The following CHMP1A variants were observed in gnomAD, a reference collection of about 807,000 sequenced individuals.
CHMP1A encodes VPS46 homolog A.
In CHMP1A, 17 loss-of-function variants were observed where a neutral mutation model predicts 27.0. That is an observed-to-expected ratio of 0.63 (90% confidence interval 0.43 to 0.95). The LOEUF (loss-of-function observed/expected upper bound fraction) is 0.95. Ranked by LOEUF, CHMP1A falls within the 40% of genes least tolerant of loss-of-function variation. CHMP1A has a pLI of 0.00. For missense variants in CHMP1A, 275 were observed against 264.0 expected (o/e 1.04, Z -0.29); for synonymous variants, 131 against 107.5 (o/e 1.22, Z -1.35).
intron 6 of CHMP1A, 42 bp downstream of exon 6, chr16:89,646,485 A>T (rs1295721939): frequency 1.3e-6 from 2 of 1,510,690 alleles, no homozygotes; most frequent in Non-Finnish European, 1.8e-6. Flanking sequence ...ACAGCACCAG[A>T]GCGTGGGGTT....
Position 89,647,057 on chromosome 16 carries a change from C to T in CHMP1A, c.381+146G>A, listed in dbSNP as rs2059780147. 2.0e-6 allele frequency: 3 copies of T among 1,532,270 alleles called. No individual in the cohort carries two copies. The East Asian group carries it at 7.4e-5, about 38-fold the overall frequency. 94.9% of individuals were successfully genotyped at this position (1,532,270 alleles called of 1,614,324 possible). A position where few individuals can be genotyped will look rare whatever the true frequency, so the allele number is the denominator to read the frequency against. On this transcript the variant is annotated intron_variant, in intron 5 of 6. Coordinates refer to ENST00000397901, the MANE Select transcript of CHMP1A (RefSeq NM_002768.5). ...TACCTGTCAGGGTCCTGGCAGGGACCCAGCACAGAGGATGCTTGGTGACGT... is the reference window on the plus strand; with the variant it reads ...TACCTGTCAGGGTCCTGGCAGGGACTCAGCACAGAGGATGCTTGGTGACGT...
intron 5 of CHMP1A, 25 bp downstream of exon 5, chr16:89,647,178 A>G (rs1291150417): frequency 3.7e-6 from 6 of 1,605,480 alleles, no homozygotes; most frequent in Non-Finnish European, 5.1e-6. Context: ...CCCAGGCCAC[A>G]GCCCCAAGGG....
intron 1 of CHMP1A, among the ~76,000 whole-genome samples, chr16:89,655,147 G>C (rs2059854587): frequency 6.6e-6 from 1 of 151,998 alleles, no homozygotes; most frequent in Non-Finnish European, 1.5e-5. Context: ...GATCTCCCGG[G>C]GTTCCAGAAA....
chr16:89,655,250 C>T (rs2059855189), intron 1 of CHMP1A, among the ~76,000 whole-genome samples: 1 of 152,210 alleles, frequency 6.6e-6, no homozygotes, highest in Non-Finnish European at 1.5e-5. Flanking sequence ...GTGGTCACGG[C>T]CAAGGTTATC....
intron 1 of CHMP1A, among the ~76,000 whole-genome samples, chr16:89,656,987 C>A (rs1314963743): frequency 6.8e-6 from 1 of 146,524 alleles, no homozygotes; most frequent in Non-Finnish European, 1.5e-5. Flanking sequence ...GAGGTCGAGG[C>A]CCCGGGGAAG....
At chr16:89,655,435 CTCCTCACCTCAGCTT>C (rs2059857588) in intron 1 of CHMP1A, among the ~76,000 whole-genome samples, 2 of 28,052 alleles carry the variant, frequency 7.1e-5, no homozygotes, top group African/African-American at 1.3e-4. Flanking sequence ...CACCTCAGCT[CTCCTCACCTCAGCTT>C]TCCTCACCTC....
In CHMP1A at chr16:89,653,020, C is replaced by T. The variant is rs1041437978; in HGVS notation, c.27+884G>A. On this transcript the variant is annotated intron_variant, in intron 2 of 6. Coordinates refer to ENST00000397901, the MANE Select transcript of CHMP1A (RefSeq NM_002768.5). Reference sequence around the variant, plus strand: ...AAGTTGTCTTTTTTTTTTTTCTTTTCTTTTTTTTTTTTTTTTTTTGAGACG... The same window carrying T: ...AAGTTGTCTTTTTTTTTTTTCTTTTTTTTTTTTTTTTTTTTTTTTGAGACG... Among the ~76,000 whole-genome samples, 147 of 82,186 alleles carry T rather than the reference C, an allele frequency of 1.8e-3. No individual in the cohort carries two copies. The Middle Eastern group carries it at 0.029, about 16-fold the overall frequency. The allele number at this position is 82,186 out of a possible 152,430, so 53.9% of individuals were successfully genotyped here. A position where few individuals can be genotyped will look rare whatever the true frequency, so the allele number is the denominator to read the frequency against.
chr16:89,654,200 C>T (rs984884851), intron 1 of CHMP1A, among the ~76,000 whole-genome samples: 20 of 152,196 alleles, frequency 1.3e-4, no homozygotes, highest in Non-Finnish European at 2.4e-4. Context: ...CAGCCAATCT[C>T]AAAGGGTTAG....
Position 89,647,889 on chromosome 16 carries a change from C to G in CHMP1A, c.253-558G>C, listed in dbSNP as rs140165929. Among the ~76,000 whole-genome samples the G allele has an allele frequency of 0.058, 414 of 7,092 alleles. 161 individuals carry two copies. In the East Asian group the frequency reaches 0.7, roughly 12 times the overall value. The allele number at this position is 7,092 out of a possible 152,430, so 4.7% of individuals were successfully genotyped here. On this transcript the variant is annotated intron_variant, in intron 4 of 6. Transcript: ENST00000397901. ...AGCGCGGGGTCCGTGGAGAAAAGGC[C>G]GCCGACGTGGACACCCAGCGCGGGG...
intron 1 of CHMP1A, among the ~76,000 whole-genome samples, chr16:89,654,468 G>A (rs997276942): frequency 3.9e-5 from 6 of 152,064 alleles, no homozygotes; most frequent in Non-Finnish European, 8.8e-5. Flanking sequence ...CTCCTCAAAG[G>A]TAAATGGATA....
At chr16:89,649,290 G>C in intron 4 of CHMP1A, 61 bp downstream of exon 4, 1 of 1,579,838 alleles carries the variant, frequency 6.3e-7, no homozygotes, top group East Asian at 2.3e-5. Flanking sequence ...CCAGACCGCA[G>C]AGCCCATTCC....
At chr16:89,654,322 C>T (rs183714907) in intron 1 of CHMP1A, among the ~76,000 whole-genome samples, 1,597 of 152,310 alleles carry the variant, frequency 0.01, 33 homozygotes, top group South Asian at 0.09. Context: ...GATTCTTTCC[C>T]AATTTAAAAG....
intron 2 of CHMP1A, 88 bp from the exon 3 acceptor site, chr16:89,651,734 C>G: frequency 1.5e-6 from 2 of 1,301,702 alleles, no homozygotes; most frequent in Non-Finnish European, 2.1e-6. Flanking sequence ...TGTGCCCACA[C>G]CTGTGCCCAC....
chr16:89,650,386 G>C (rs1568002434), intron 3 of CHMP1A, among the ~76,000 whole-genome samples: 1 of 152,096 alleles, frequency 6.6e-6, no homozygotes, highest in East Asian at 1.9e-4. Flanking sequence ...ATGGGGAGGG[G>C]ACCCCTCCTG....
In CHMP1A at chr16:89,644,889, A is replaced by G. The variant is rs1233832133; in HGVS notation, c.*1177T>C. On this transcript the variant is annotated 3_prime_UTR_variant, in exon 7 of 7. Transcript: ENST00000397901. ...CACCACCTGCCTTTTCTACTTTGGC[A>G]AAAACAAAAACAAAACCTGGAAGCC... 6.5e-6 allele frequency: 1 copy of G among 152,674 alleles called. No individual in the cohort carries two copies. The highest frequency in any genetic ancestry group is 6.5e-5 in the Admixed American group (1 of 15,294). 9.5% of individuals were successfully genotyped at this position (152,674 alleles called of 1,614,324 possible).
intron 1 of CHMP1A, among the ~76,000 whole-genome samples, chr16:89,655,921 C>T (rs1415523466): frequency 1.3e-5 from 2 of 152,186 alleles, no homozygotes; most frequent in African/African-American, 2.4e-5. Context: ...CCACCACATC[C>T]GGCCTCCCAA....
rs1467331570 is a variant in CHMP1A, at chr16:89,646,520, A to G, written c.569+7T>C. ...TGGTGACACAGCGTTTCGGGGACCG[A>G]CCCTACCTCCGTGACAGCTGGTCCT... is the stretch of plus-strand genomic sequence containing the variant. On this transcript the variant is annotated splice_region_variant and intron_variant, in intron 6 of 6. Coordinates refer to ENST00000397901, the MANE Select transcript of CHMP1A (RefSeq NM_002768.5). 6.4e-7 allele frequency: 1 copy of G among 1,569,812 alleles called. No individual in the cohort carries two copies. The highest frequency in any genetic ancestry group is 1.2e-5 in the South Asian group (1 of 85,432).
At chr16:89,654,287 A>G (rs975408296) in intron 1 of CHMP1A, among the ~76,000 whole-genome samples, 1 of 152,210 alleles carries the variant, frequency 6.6e-6, no homozygotes, top group African/African-American at 2.4e-5. Flanking sequence ...TTTATAATTA[A>G]TGCAACTTTG....
chr16:89,648,889 G>A (rs1346838283), intron 4 of CHMP1A, among the ~76,000 whole-genome samples: 1 of 150,808 alleles, frequency 6.6e-6, no homozygotes, highest in Non-Finnish European at 1.5e-5. Flanking sequence ...GCCGGGCATG[G>A]TGGTGGATGC....
Sources: allele counts gnomAD v4.1 joint callset (sites outside exome capture counted in the v4.1 genomes callset), GRCh38; gene constraint gnomAD v4.1.1; transcripts MANE v1.5; gene names NCBI Gene and HGNC (gene_info 2026-07-23, HGNC 2026-07-21).